DMD: variants seen among roughly 807,000 people sequenced by gnomAD.
DMD encodes the protein mutant dystrophin.
Under a neutral mutation model 330.1 loss-of-function variants are expected in DMD, and 63 were observed. The ratio of observed to expected loss-of-function variants is 0.19; its 90% CI spans 0.16 to 0.24. The LOEUF (loss-of-function observed/expected upper bound fraction) is 0.24, where lower values mean the gene tolerates loss of function less well. Among genes scored for constraint, DMD ranks in the 10% least tolerant of loss-of-function variants. The pLI, the probability that DMD is intolerant of heterozygous loss-of-function variation, is 1.00. For synonymous variants in DMD, 1,223 were observed against 959.8 expected (o/e 1.27, Z -5.07); for missense variants, 3,344 against 2,684.1 (o/e 1.25, Z -5.43).
chrX:32,750,335 A>T (rs1482626951), intron 7 of DMD, among the ~76,000 whole-genome samples: 1 of 111,863 alleles, frequency 8.9e-6, no homozygotes, highest in Non-Finnish European at 1.9e-5. Context: ...AGGGAGAAAA[A>T]CTTCCCGTGT....
rs1016072318 is a variant in DMD at position 33,336,405 on chromosome X, C to T, written c.7+2854G>A. ...AACATTTCAAAGCATATTTCTTAACCGATAGTGTCTTCCCCTGCTCATCTT... is the reference window on the plus strand; with the variant it reads ...AACATTTCAAAGCATATTTCTTAACTGATAGTGTCTTCCCCTGCTCATCTT... On this transcript the variant is annotated intron_variant, in intron 1 of 17. Coordinates refer to the DMD transcript ENST00000288447. Among the ~76,000 whole-genome samples the T allele has an allele frequency of 2.7e-5, 3 of 110,087 alleles. No individual in the cohort carries two copies. The South Asian group carries it at 1.1e-3, about 42-fold the overall frequency.
chrX:32,008,268 A>G (rs1228128853), intron 44 of DMD, among the ~76,000 whole-genome samples: 1 of 111,582 alleles, frequency 9.0e-6, no homozygotes, highest in Admixed American at 9.6e-5. Flanking sequence ...ACATTTTTGC[A>G]AATGATATAA....
intron 1 of DMD, among the ~76,000 whole-genome samples, chrX:33,294,320 G>T (rs1165607184): frequency 2.7e-5 from 3 of 111,054 alleles, no homozygotes; most frequent in Non-Finnish European, 5.7e-5. Flanking sequence ...CATCCATGGA[G>T]CCCCTGACAC....
At chrX:31,637,838 T>TA (rs2079504318) in intron 54 of DMD, among the ~76,000 whole-genome samples, 1 of 111,960 alleles carries the variant, frequency 8.9e-6, no homozygotes, top group East Asian at 2.8e-4. Flanking sequence ...ATCTTTGTTA[T>TA]AAAAAACTAT....
chrX:32,743,521 T>C (rs1490205686), intron 7 of DMD, among the ~76,000 whole-genome samples: 1 of 111,248 alleles, frequency 9.0e-6, no homozygotes, highest in Non-Finnish European at 1.9e-5. Context: ...AGGACCCTTA[T>C]TTGTACTCTT....
intron 44 of DMD, among the ~76,000 whole-genome samples, chrX:32,043,866 G>A (rs1198191157): frequency 3.6e-5 from 4 of 111,902 alleles, no homozygotes; most frequent in Middle Eastern, 4.6e-3. Flanking sequence ...TTCTAGAAAT[G>A]TTTCTCAATA....
chrX:32,614,149 T>C (rs2057384240), intron 12 of DMD, among the ~76,000 whole-genome samples, 154 bp downstream of exon 12: 1 of 111,064 alleles, frequency 9.0e-6, no homozygotes, highest in African/African-American at 3.3e-5. Flanking sequence ...CAACAAAGAT[T>C]GCAAAAACAA....
intron 18 of DMD, among the ~76,000 whole-genome samples, chrX:32,514,537 C>T (rs563682977): frequency 7.2e-5 from 8 of 111,580 alleles, no homozygotes; most frequent in Admixed American, 2.8e-4. Flanking sequence ...GTCAGGAGAT[C>T]GAGACCATCC....
intron 1 of DMD, among the ~76,000 whole-genome samples, chrX:33,272,681 C>T (rs1157551007): frequency 9.5e-6 from 1 of 105,352 alleles, no homozygotes; most frequent in East Asian, 3.0e-4. Context: ...AAAAAAAACA[C>T]ACACACACAA....
chrX:31,635,244 G>A (rs978765827), intron 54 of DMD, among the ~76,000 whole-genome samples: 4 of 111,810 alleles, frequency 3.6e-5, no homozygotes, highest in East Asian at 5.6e-4. Flanking sequence ...TGTATAATGC[G>A]AATTTTTAAG....
intron 60 of DMD, among the ~76,000 whole-genome samples, chrX:31,350,421 G>A (rs759071877): frequency 7.0e-4 from 79 of 112,217 alleles, no homozygotes; most frequent in Non-Finnish European, 1.2e-3. Context: ...GGACATGAGT[G>A]TGTCTTGCAA....
chrX:32,686,464 C>T (rs1431635594), intron 9 of DMD, among the ~76,000 whole-genome samples: 1 of 102,814 alleles, frequency 9.7e-6, no homozygotes, highest in African/African-American at 3.7e-5. Flanking sequence ...GAGGCTGAGG[C>T]AGGAGAGTTG....
chrX:31,603,102 T>C (rs896371816), intron 55 of DMD, among the ~76,000 whole-genome samples: 1 of 110,838 alleles, frequency 9.0e-6, no homozygotes, highest in Non-Finnish European at 1.9e-5. Flanking sequence ...ATACCCCGAG[T>C]AGCTGATGTC....
chrX:32,336,853 G>A (rs2097718046), intron 41 of DMD, among the ~76,000 whole-genome samples: 1 of 111,830 alleles, frequency 8.9e-6, no homozygotes, highest in South Asian at 3.7e-4. Flanking sequence ...GTATAGAAAA[G>A]AAACCTTTAG....
intron 2 of DMD, among the ~76,000 whole-genome samples, chrX:32,933,778 G>A (rs1437636672): frequency 5.4e-5 from 6 of 111,704 alleles, no homozygotes; most frequent in Non-Finnish European, 9.4e-5. Flanking sequence ...ACACGTTGCC[G>A]GAAAAGCCAT....
At chrX:32,590,432 C>T (rs1403548768) in intron 13 of DMD, among the ~76,000 whole-genome samples, 2 of 111,276 alleles carry the variant, frequency 1.8e-5, no homozygotes, top group African/African-American at 6.5e-5. Flanking sequence ...TTGTTTCTTC[C>T]GGGTGTGTCT....
At chrX:32,890,286 A>ATTT (rs1395226154) in intron 2 of DMD, among the ~76,000 whole-genome samples, 2 of 111,581 alleles carry the variant, frequency 1.8e-5, no homozygotes, top group Non-Finnish European at 3.8e-5. Context: ...ACTGCTTTAT[A>ATTT]TGTTCTGGGT....
At chrX:33,196,553 T>C (rs933090947) in intron 1 of DMD, among the ~76,000 whole-genome samples, 1 of 112,200 alleles carries the variant, frequency 8.9e-6, no homozygotes, top group African/African-American at 3.2e-5. Flanking sequence ...TTTTGATCTA[T>C]GTATCTGTTT....
chrX:32,237,629 A>T (rs1336638602), intron 43 of DMD, among the ~76,000 whole-genome samples: 1 of 112,001 alleles, frequency 8.9e-6, no homozygotes. Flanking sequence ...GTTAGGCATG[A>T]CCACGTGACT....
Sources: allele counts gnomAD v4.1 joint callset (sites outside exome capture counted in the v4.1 genomes callset), GRCh38; gene constraint gnomAD v4.1.1; transcripts MANE v1.5; gene names NCBI Gene and HGNC (gene_info 2026-07-23, HGNC 2026-07-21).